PCDHA1: variants seen among roughly 807,000 people sequenced by gnomAD.
The protein encoded by PCDHA1 is protocadherin alpha-1.
PCDHA1 carries 42 observed loss-of-function variants against 61.3 expected under a neutral mutation model. The ratio of observed to expected loss-of-function variants is 0.69; its 90% CI spans 0.54 to 0.89. PCDHA1 has a LOEUF of 0.89. Among genes scored for constraint, PCDHA1 ranks in the 40% least tolerant of loss-of-function variants. PCDHA1 has a pLI of 0.00. For synonymous variants in PCDHA1, 610 were observed against 553.8 expected, an observed-to-expected ratio of 1.10 and a Z score of -1.43; for missense variants, 1,256 against 1,235.3, an observed-to-expected ratio of 1.02 and a Z score of -0.25.
chr5:140,863,474 G>A (rs1440662117), intron 1 of PCDHA1: 3 of 480,748 alleles, frequency 6.2e-6, no homozygotes, highest in African/African-American at 2.0e-5. Context: ...CTGGAGAGTC[G>A]CCTCCCAAGG....
chr5:140,967,379 A>G (rs1554229509), intron 1 of PCDHA1: 2 of 1,608,268 alleles, frequency 1.2e-6, no homozygotes, highest in East Asian at 2.2e-5. Flanking sequence ...GGAGAACAGT[A>G]AAGTGCTTGA....
chr5:140,924,036 C>A (rs2081633869), intron 1 of PCDHA1, among the ~76,000 whole-genome samples: 1 of 152,162 alleles, frequency 6.6e-6, no homozygotes, highest in African/African-American at 2.4e-5. Context: ...TGGCTGCAGA[C>A]CTAAAAGTTC....
intron 1 of PCDHA1, chr5:140,835,707 T>C: frequency 6.2e-7 from 1 of 1,613,858 alleles, no homozygotes; most frequent in Non-Finnish European, 8.5e-7. Context: ...TGCTAGCGTG[T>C]CCGTGGAGGT....
At chr5:140,824,784 T>G (rs1418969711) in intron 1 of PCDHA1, 1 of 151,890 alleles carries the variant, frequency 6.6e-6, no homozygotes, top group East Asian at 1.9e-4. Context: ...AACACCACCC[T>G]TCCAATTTTG....
intron 1 of PCDHA1, among the ~76,000 whole-genome samples, chr5:140,832,729 C>T (rs1170973307): frequency 1.1e-4 from 17 of 152,054 alleles, no homozygotes; most frequent in African/African-American, 4.1e-4. Context: ...AGGTAAGTAT[C>T]CTACATAAAT....
intron 1 of PCDHA1, among the ~76,000 whole-genome samples, chr5:140,945,069 A>G (rs550774069): frequency 6.6e-6 from 1 of 152,278 alleles, no homozygotes; most frequent in East Asian, 1.9e-4. Context: ...TACAGACTCC[A>G]CCAAAACACT....
At chr5:140,954,361 C>T (rs782543125) in intron 1 of PCDHA1, among the ~76,000 whole-genome samples, 18 of 152,220 alleles carry the variant, frequency 1.2e-4, no homozygotes, top group Non-Finnish European at 2.2e-4. Context: ...AATCGCCACA[C>T]AGTCTCCCAC....
intron 1 of PCDHA1, among the ~76,000 whole-genome samples, chr5:140,946,434 T>C (rs1554217579): frequency 2.0e-5 from 3 of 151,312 alleles, no homozygotes; most frequent in South Asian, 2.1e-4. Context: ...TACTCAAAAA[T>C]TGAGACTAAA....
rs782258990 is a variant in PCDHA1 at position 140,870,453 on chromosome 5, T to C, written c.2394+81769T>C. ...TGGAGGTGGCCGACGTGAACGACAATGCGCCTGCGTTCGCACAGCCCGAGT... is the reference window on the plus strand; with the variant it reads ...TGGAGGTGGCCGACGTGAACGACAACGCGCCTGCGTTCGCACAGCCCGAGT... On this transcript the variant is annotated intron_variant, in intron 1 of 3. Coordinates refer to ENST00000504120, the MANE Select transcript of PCDHA1 (RefSeq NM_018900.4). 10 of 1,614,138 alleles carry C rather than the reference T, an allele frequency of 6.2e-6. No homozygotes were observed. The Admixed American group carries it at 6.7e-5, about 11-fold the overall frequency.
At chr5:140,912,939 T>C (rs1372074826) in intron 1 of PCDHA1, among the ~76,000 whole-genome samples, 1 of 152,230 alleles carries the variant, frequency 6.6e-6, no homozygotes, top group Middle Eastern at 3.2e-3. Context: ...CATCCTTGTA[T>C]CCCTGGGATA....
At chr5:140,827,939 G>C (rs1769462392) in intron 1 of PCDHA1, 2 of 1,144,136 alleles carry the variant, frequency 1.7e-6, no homozygotes, top group South Asian at 3.1e-5. Flanking sequence ...GTTATAGCTA[G>C]CCAACATTCA....
chr5:140,883,339 C>G (rs142984869), intron 1 of PCDHA1: 2 of 1,614,172 alleles, frequency 1.2e-6, no homozygotes, highest in South Asian at 2.2e-5. Flanking sequence ...CTTTGTCACT[C>G]CCCATCAGAG....
chr5:140,807,594 C>T (rs141030691), intron 1 of PCDHA1: 2 of 1,614,174 alleles, frequency 1.2e-6, no homozygotes, highest in Non-Finnish European at 8.5e-7. Flanking sequence ...TTCCCAGCAA[C>T]ACAAAAGAAC....
intron 1 of PCDHA1, chr5:140,830,029 G>T (rs2150179968): frequency 8.7e-6 from 14 of 1,613,908 alleles, no homozygotes; most frequent in Admixed American, 8.3e-5. Flanking sequence ...CGCGCCACCG[G>T]CTGCTGGTGC....
Position 140,842,816 on chromosome 5 carries a change from G to T in PCDHA1, c.2394+54132G>T, listed in dbSNP as rs144864522. On this transcript the variant is annotated intron_variant, in intron 1 of 3. Coordinates refer to ENST00000504120, the MANE Select transcript of PCDHA1 (RefSeq NM_018900.4). Reference sequence around the variant, plus strand: ...GTCCTACTCGCTTGTGGAGCGGCGGGTGGGCGAGCGCTCGCTGTCGAGCTA... The same window carrying T: ...GTCCTACTCGCTTGTGGAGCGGCGGTTGGGCGAGCGCTCGCTGTCGAGCTA... 2.5e-5 allele frequency: 40 copies of T among 1,594,004 alleles called. 2 individuals are homozygous for T. The African/African-American group carries it at 4.0e-4, about 16-fold the overall frequency.
chr5:140,882,070 CA>C, intron 1 of PCDHA1: 1 of 854,288 alleles, frequency 1.2e-6, no homozygotes, highest in Non-Finnish European at 1.8e-6. Flanking sequence ...CGTTCATGCG[CA>C]TGGTGTCGCT....
intron 1 of PCDHA1, among the ~76,000 whole-genome samples, chr5:140,974,639 G>A (rs896104665): frequency 2.0e-5 from 3 of 152,198 alleles, no homozygotes; most frequent in African/African-American, 7.2e-5. Context: ...AACCTCCCGA[G>A]TAGCTGAGAT....
At chr5:140,821,139 T>C (rs2150108825) in intron 1 of PCDHA1, among the ~76,000 whole-genome samples, 2 of 152,168 alleles carry the variant, frequency 1.3e-5, no homozygotes, top group Non-Finnish European at 2.9e-5. Context: ...AAATTTGTTT[T>C]ATGAGTAACA....
Position 140,858,116 on chromosome 5 carries a change from G to A in PCDHA1, c.2394+69432G>A, listed in dbSNP as rs140097524. The A allele has an allele frequency of 1.6e-5, 26 of 1,597,882 alleles. 1 individual carries two copies. The Middle Eastern group carries it at 5.1e-4, about 31-fold the overall frequency. Reference sequence around the variant, plus strand: ...TTCAGTGGGCGTGGCGCCCGAGGTGGCCCTGGTGGATGTCAACGTGTACCT... The same window carrying A: ...TTCAGTGGGCGTGGCGCCCGAGGTGACCCTGGTGGATGTCAACGTGTACCT... On this transcript the variant is annotated intron_variant, in intron 1 of 3. Coordinates refer to ENST00000504120, the MANE Select transcript of PCDHA1 (RefSeq NM_018900.4).
Sources: allele counts gnomAD v4.1 joint callset (sites outside exome capture counted in the v4.1 genomes callset), GRCh38; gene constraint gnomAD v4.1.1; transcripts MANE v1.5; gene names NCBI Gene and HGNC (gene_info 2026-07-23, HGNC 2026-07-21).